The following PPP2R5C variants were observed in gnomAD, a reference collection of about 807,000 sequenced individuals.
PPP2R5C encodes serine/threonine-protein phosphatase 2A 56 kDa regulatory subunit gamma isoform.
Under a neutral mutation model 68.9 loss-of-function variants are expected in PPP2R5C, and 7 were observed. That is an observed-to-expected ratio of 0.10 (90% CI 0.06 to 0.19). The LOEUF (loss-of-function observed/expected upper bound fraction) is 0.19. PPP2R5C is among the 10% of genes least tolerant of loss of function. The pLI is 1.00. For synonymous variants in PPP2R5C, 210 were observed against 222.2 expected (o/e 0.95, Z 0.49); for missense variants, 348 against 641.3 (o/e 0.54, Z 4.94).
At position 101,925,296 on chromosome 14, in the gene PPP2R5C, C is replaced by T. The variant is rs754466626; in HGVS notation, c.*24C>T. 92 of 1,609,132 alleles carry T rather than the reference C, an allele frequency of 5.7e-5. 2 individuals are homozygous for T. In the South Asian group the frequency reaches 8.7e-4, roughly 15 times the overall value. On this transcript the variant is annotated 3_prime_UTR_variant, in exon 14 of 14. Transcript: ENST00000334743. Reference sequence around the variant, plus strand: ...AGCCTCCGGGGCGCCGCGTCGGGGCCGGGCCCGCCAGTTCTTTTCCGGATT... The same window carrying T: ...AGCCTCCGGGGCGCCGCGTCGGGGCTGGGCCCGCCAGTTCTTTTCCGGATT...
chr14:101,904,607 A>T (rs79816396), intron 9 of PPP2R5C, among the ~76,000 whole-genome samples: 3,589 of 152,184 alleles, frequency 0.024, 114 homozygotes, highest in Middle Eastern at 0.071. Flanking sequence ...TGCAAAGTTC[A>T]TCCCAGCTCA....
At chr14:101,809,089 T>A (rs1566855520), upstream of PPP2R5C, among the ~76,000 whole-genome samples, 1 of 152,186 alleles carries the variant, frequency 6.6e-6, no homozygotes, top group Non-Finnish European at 1.5e-5. Context: ...AAAAGGTATT[T>A]AATATGTCAG....
At chr14:101,868,145 A>G (rs1341407946) in intron 2 of PPP2R5C, among the ~76,000 whole-genome samples, 1 of 152,196 alleles carries the variant, frequency 6.6e-6, no homozygotes, top group Non-Finnish European at 1.5e-5. Context: ...GAGAGGAAAG[A>G]ATGTGTTGAA....
chr14:101,884,250 G>A (rs972537659), intron 5 of PPP2R5C, among the ~76,000 whole-genome samples: 122 of 152,248 alleles, frequency 8.0e-4, no homozygotes, highest in African/African-American at 2.8e-3. Context: ...AATTCTGGCC[G>A]CACCGGCAGC....
rs2044661770 is a variant in PPP2R5C, at chr14:101,888,475, TC to T, written c.630-1759del. 6.6e-6 allele frequency among the ~76,000 whole-genome samples: 1 copy of T among 152,090 alleles called. No individual in the cohort carries two copies. The highest frequency in any genetic ancestry group is 1.5e-5 in the Non-Finnish European group (1 of 68,016). On this transcript the variant is annotated intron_variant, in intron 5 of 13. Coordinates refer to ENST00000334743, the Ensembl canonical transcript of PPP2R5C. This position sits in a 1 kb window ranked among gnomAD's most constrained non-coding sequence, Gnocchi z 5.6. ...GCTCTGCCCTGGTAACGTCCCTCCC[TC>T]CCTCTTAGGCTTTGGCCACCTGCAT...
rs1290821820 is a variant in PPP2R5C at position 101,883,428 on chromosome 14, A to G, written c.499-4A>G. 6.2e-7 allele frequency: 1 copy of G among 1,612,530 alleles called. No homozygotes were observed. The highest frequency in any genetic ancestry group is 2.2e-5 in the East Asian group (1 of 44,886). On this transcript the variant is annotated splice_region_variant and splice_polypyrimidine_tract_variant and intron_variant, in intron 4 of 13. Coordinates refer to ENST00000334743, the Ensembl canonical transcript of PPP2R5C. ...AGCCACTAAGTGTCTTTTTCTTCTC[A>G]AAGCTTTTAGAGCTCTTTGACAGTG...
At position 101,882,021 on chromosome 14, in the gene PPP2R5C, A is replaced by G. The variant is rs1677990; in HGVS notation, c.295-140A>G. ...CCAGGCTCTCTCTGAGGACCCACAC[A>G]GCTTCTGCGTTTTGAGGATACGGAG... On this transcript the variant is annotated intron_variant, in intron 2 of 13. Transcript: ENST00000334743. The surrounding 1 kb of genome is among the most constrained non-coding windows in gnomAD (Gnocchi z 4.9). The G allele has an allele frequency of 0.19, 118,666 of 621,128 alleles. 13,356 individuals carry two copies. The highest frequency in any genetic ancestry group is 0.42 in the African/African-American group (21,899 of 52,504). 38.5% of individuals were successfully genotyped at this position (621,128 alleles called of 1,614,324 possible).
chr14:101,885,567 C>G (rs1351090286), intron 5 of PPP2R5C, among the ~76,000 whole-genome samples: 2 of 152,234 alleles, frequency 1.3e-5, no homozygotes, highest in Non-Finnish European at 2.9e-5. Context: ...GTTGCATTCC[C>G]TCCTGACCTG....
chr14:101,802,248 A>G (rs1276794895), intron 3 of PPP2R5C, among the ~76,000 whole-genome samples: 1 of 152,166 alleles, frequency 6.6e-6, no homozygotes, highest in Non-Finnish European at 1.5e-5. Context: ...CCCCGTCTGT[A>G]TTAAAAATAC....
At chr14:101,911,119 C>CA (rs1022703247) in intron 11 of PPP2R5C, among the ~76,000 whole-genome samples, 50 of 144,062 alleles carry the variant, frequency 3.5e-4, no homozygotes, top group Non-Finnish European at 6.4e-4. Context: ...AAAAAAAATA[C>CA]AAAAAAAAAT....
Position 101,786,196 on chromosome 14 carries a change from T to C in PPP2R5C, c.259+13T>C. ...CCATCCTTAAAAGGTAATTTTTATT[T>C]GTCTTTTAAAAGTTAAATTGTGGCT... On this transcript the variant is annotated intron_variant, in intron 3 of 14. Transcript: ENST00000328724. The C allele has an allele frequency of 1.3e-6, 2 of 1,531,118 alleles. No individual in the cohort carries two copies. The highest frequency in any genetic ancestry group is 1.8e-6 in the Non-Finnish European group (2 of 1,141,036). The allele number at this position is 1,531,118 out of a possible 1,614,324, so 94.8% of individuals were successfully genotyped here. A position where few individuals can be genotyped will look rare whatever the true frequency, so the allele number is the denominator to read the frequency against.
intron 1 of PPP2R5C, chr14:101,820,227 A>C (rs193193396): frequency 8.7e-4 from 133 of 152,360 alleles, no homozygotes; most frequent in African/African-American, 3.1e-3. Context: ...TTTTTGGCCC[A>C]TGGTAAAATT....
At chr14:101,807,313 G>A (rs945595792), upstream of PPP2R5C, among the ~76,000 whole-genome samples, 1 of 152,112 alleles carries the variant, frequency 6.6e-6, no homozygotes, top group Non-Finnish European at 1.5e-5. Context: ...ATATTTCTCA[G>A]TTTGGGGCTG....
intron 2 of PPP2R5C, among the ~76,000 whole-genome samples, chr14:101,860,487 G>A (rs1425819742): frequency 6.6e-6 from 1 of 152,194 alleles, no homozygotes; most frequent in Non-Finnish European, 1.5e-5. Context: ...ATGAATGACT[G>A]TTGTGAACAT....
intron 2 of PPP2R5C, among the ~76,000 whole-genome samples, chr14:101,775,828 A>G (rs937635383): frequency 1.3e-5 from 2 of 151,852 alleles, no homozygotes; most frequent in Non-Finnish European, 2.9e-5. Flanking sequence ...TTGTCTCCAG[A>G]CACCCCCACC....
intron 1 of PPP2R5C, 26 bp downstream of exon 1, chr14:101,761,946 G>A (rs1366887097): frequency 8.4e-7 from 1 of 1,192,250 alleles, no homozygotes; most frequent in Non-Finnish European, 1.0e-6. Flanking sequence ...GCCGCGGGAC[G>A]GAGGGAGCAG....
intron 13 of PPP2R5C, among the ~76,000 whole-genome samples, chr14:101,924,301 GA>G (rs1448826159): frequency 6.6e-6 from 1 of 151,780 alleles, no homozygotes; most frequent in East Asian, 1.9e-4. Flanking sequence ...TTTTTTAAGT[GA>G]AACCAAAATT....
intron 2 of PPP2R5C, among the ~76,000 whole-genome samples, chr14:101,776,283 T>C (rs1278734559): frequency 6.6e-6 from 1 of 152,152 alleles, no homozygotes; most frequent in African/African-American, 2.4e-5. Flanking sequence ...CTCCCCTCAC[T>C]GAGTGAGTTC....
At chr14:101,866,804 G>A (rs1295080121) in intron 2 of PPP2R5C, among the ~76,000 whole-genome samples, 1 of 152,158 alleles carries the variant, frequency 6.6e-6, no homozygotes, top group African/African-American at 2.4e-5. Flanking sequence ...TTCAGAATGG[G>A]CCAGGCACAG....
Sources: allele counts gnomAD v4.1 joint callset (sites outside exome capture counted in the v4.1 genomes callset), GRCh38; gene constraint gnomAD v4.1.1; non-coding constraint Gnocchi (gnomAD v3.1); transcripts MANE v1.5; gene names NCBI Gene and HGNC (gene_info 2026-07-23, HGNC 2026-07-21).